PEBP4: variants seen among roughly 807,000 people sequenced by gnomAD.
The protein encoded by PEBP4 is phosphatidylethanolamine binding protein 4.
A neutral mutation model predicts 23.9 loss-of-function variants in PEBP4; 22 were observed. That is an observed-to-expected ratio of 0.92 (90% CI 0.66 to 1.31). The LOEUF is 1.31. PEBP4 is among the 40% of genes most tolerant of loss of function. PEBP4 has a pLI of 0.00. For missense variants in PEBP4, 324 were observed against 281.7 expected, an observed-to-expected ratio of 1.15 and a Z score of -1.07; for synonymous variants, 112 against 99.3, an observed-to-expected ratio of 1.13 and a Z score of -0.76.
At position 22,735,590 on chromosome 8, in the gene PEBP4, C is replaced by G. The variant is rs145397294; in HGVS notation, c.358-8370G>C. ...TCTGATTTCTGAGACTCAAAGCTCTCAGCAACCTAAACCCTGGGTCCACAG... is the reference window on the plus strand; with the variant it reads ...TCTGATTTCTGAGACTCAAAGCTCTGAGCAACCTAAACCCTGGGTCCACAG... On this transcript the variant is annotated intron_variant, in intron 4 of 6. Coordinates refer to ENST00000256404, the MANE Select transcript of PEBP4 (RefSeq NM_144962.3). Among the ~76,000 whole-genome samples, 484 of 152,330 alleles carry G rather than the reference C, an allele frequency of 3.2e-3. 4 individuals carry two copies. The highest frequency in any genetic ancestry group is 0.02 in the South Asian group (95 of 4,828).
intron 3 of PEBP4, among the ~76,000 whole-genome samples, chr8:22,848,215 T>C (rs1807480115): frequency 6.6e-6 from 1 of 152,122 alleles, no homozygotes; most frequent in African/African-American, 2.4e-5. Context: ...AACAGATGAT[T>C]AAAGATGAAT....
intron 3 of PEBP4, among the ~76,000 whole-genome samples, chr8:22,868,066 G>C (rs1032520477): frequency 6.6e-6 from 1 of 152,130 alleles, no homozygotes; most frequent in Non-Finnish European, 1.5e-5. Flanking sequence ...AGTGGCTGCC[G>C]ACAGAGTTGA....
intron 3 of PEBP4, among the ~76,000 whole-genome samples, chr8:22,879,631 C>T (rs1159664762): frequency 1.3e-5 from 2 of 152,236 alleles, no homozygotes; most frequent in African/African-American, 2.4e-5. Context: ...GCTATTGTCA[C>T]CACGTTATCC....
In PEBP4 at chr8:22,780,757, G is replaced by A. The variant is rs111682789; in HGVS notation, c.357+36880C>T. On this transcript the variant is annotated intron_variant, in intron 4 of 6. Transcript: ENST00000256404. The stretch of plus-strand genomic sequence containing the variant: ...ACTAAAGTGATGGCTGGACTCCTCC[G>A]ATCCTGAGGGCGTCTAAGGCTCAGT... Among the ~76,000 whole-genome samples the A allele has an allele frequency of 8.0e-3, 1,223 of 152,324 alleles. 6 individuals are homozygous for A. Among genetic ancestry groups the A allele is most frequent in the African/African-American group, 0.017 (711 of 41,562 alleles).
At chr8:22,808,641 T>C (rs1806551749) in intron 4 of PEBP4, among the ~76,000 whole-genome samples, 1 of 152,176 alleles carries the variant, frequency 6.6e-6, no homozygotes, top group Non-Finnish European at 1.5e-5. Context: ...GAGCTGGGCC[T>C]TGAAGTAGGA....
At chr8:22,907,186 C>A (rs28386798) in intron 3 of PEBP4, among the ~76,000 whole-genome samples, 3 of 152,152 alleles carry the variant, frequency 2.0e-5, no homozygotes, top group African/African-American at 4.8e-5. Flanking sequence ...AGGCTGGGCA[C>A]GACAGCTCAT....
At chr8:22,940,360 G>T (rs1190645975) in intron 1 of PEBP4, among the ~76,000 whole-genome samples, 1 of 152,134 alleles carries the variant, frequency 6.6e-6, no homozygotes, top group Non-Finnish European at 1.5e-5. Context: ...GAGAATTAGA[G>T]AAATGTTTGA....
At chr8:22,787,521 T>A (rs1328232820) in intron 4 of PEBP4, among the ~76,000 whole-genome samples, 1 of 152,208 alleles carries the variant, frequency 6.6e-6, no homozygotes, top group Non-Finnish European at 1.5e-5. Context: ...TAGTCAGAAA[T>A]GACTTAGTAC....
chr8:22,920,934 A>G (rs1809186147), intron 2 of PEBP4, among the ~76,000 whole-genome samples: 1 of 152,200 alleles, frequency 6.6e-6, no homozygotes, highest in South Asian at 2.1e-4. Context: ...GCTCACTAAG[A>G]CTGTCAGTAT....
At chr8:22,890,470 G>C (rs775679986) in intron 3 of PEBP4, among the ~76,000 whole-genome samples, 4 of 152,206 alleles carry the variant, frequency 2.6e-5, no homozygotes, top group Admixed American at 6.5e-5. Flanking sequence ...GTGAAATCTG[G>C]TGCATTCTCC....
intron 4 of PEBP4, among the ~76,000 whole-genome samples, chr8:22,764,216 G>A (rs1176080151): frequency 6.6e-6 from 1 of 152,148 alleles, no homozygotes; most frequent in South Asian, 2.1e-4. Flanking sequence ...GTGGTCCCAA[G>A]TATGTTGTTT....
chr8:22,777,161 G>A (rs1223191224), intron 4 of PEBP4, among the ~76,000 whole-genome samples: 1 of 152,036 alleles, frequency 6.6e-6, no homozygotes, highest in Non-Finnish European at 1.5e-5. Flanking sequence ...GAGGGAGGGT[G>A]CTGGCCCCTT....
At chr8:22,753,577 A>G (rs1237166800) in intron 4 of PEBP4, among the ~76,000 whole-genome samples, 1 of 152,240 alleles carries the variant, frequency 6.6e-6, no homozygotes, top group Non-Finnish European at 1.5e-5. Flanking sequence ...CTTCAGAGCT[A>G]GGCAGCTCCC....
chr8:22,899,320 C>T (rs1370676402), intron 3 of PEBP4, among the ~76,000 whole-genome samples: 1 of 152,216 alleles, frequency 6.6e-6, no homozygotes, highest in Non-Finnish European at 1.5e-5. Context: ...CAGGCAAGTG[C>T]CAGCTCCTGT....
At chr8:22,915,620 G>A (rs1809056681) in intron 3 of PEBP4, among the ~76,000 whole-genome samples, 1 of 152,152 alleles carries the variant, frequency 6.6e-6, no homozygotes, top group South Asian at 2.1e-4. Flanking sequence ...GTGAGTCACC[G>A]CCCATCCCCA....
intron 4 of PEBP4, among the ~76,000 whole-genome samples, chr8:22,746,141 C>T (rs1383101350): frequency 6.6e-6 from 1 of 151,302 alleles, no homozygotes; most frequent in Non-Finnish European, 1.5e-5. Flanking sequence ...TTTTCCCCTG[C>T]AAGAGACATT....
chr8:22,863,878 T>G (rs1238985494), intron 3 of PEBP4, among the ~76,000 whole-genome samples: 4 of 152,208 alleles, frequency 2.6e-5, no homozygotes, highest in African/African-American at 9.6e-5. Flanking sequence ...GTTAAGGAAC[T>G]GTCAAATGTT....
In PEBP4 at chr8:22,824,810, G is replaced by A. The variant is rs181937179; in HGVS notation, c.259-7075C>T. On this transcript the variant is annotated intron_variant, in intron 3 of 6. Coordinates refer to ENST00000256404, the MANE Select transcript of PEBP4 (RefSeq NM_144962.3). ...CACAGCCAAACTGACAGGAGGTGGA[G>A]CCCAGGTGGTAACAGGAATGATGGG... Among the ~76,000 whole-genome samples the A allele has an allele frequency of 6.6e-5, 10 of 152,306 alleles. No homozygotes were observed. In the East Asian group the frequency reaches 9.6e-4, roughly 15 times the overall value.
At chr8:22,878,034 A>T (rs1808160526) in intron 3 of PEBP4, 1 of 152,274 alleles carries the variant, frequency 6.6e-6, no homozygotes, top group Non-Finnish European at 1.5e-5. Flanking sequence ...CATTCTTTAG[A>T]GACTCAACCT....
Sources: gnomAD v4.1 joint callset for allele counts (sites outside exome capture counted in the v4.1 genomes callset) on GRCh38, gnomAD v4.1.1 for gene constraint, MANE v1.5 for transcripts, NCBI Gene and HGNC (gene_info 2026-07-23, HGNC 2026-07-21) for gene names.